Variants in COL4A2 observed in about 807,000 individuals in gnomAD.
The protein encoded by COL4A2 is collagen alpha-2(IV) chain.
COL4A2 carries 99 observed loss-of-function variants against 200.2 expected under a neutral mutation model. The observed-to-expected ratio is 0.49, with a 90% CI of 0.42 to 0.58. The LOEUF (loss-of-function observed/expected upper bound fraction) is 0.58, where lower values mean the gene tolerates loss of function less well. Among genes scored for constraint, COL4A2 ranks in the 20% least tolerant of loss-of-function variants. COL4A2 has a pLI of 0.00. For synonymous variants in COL4A2, 897 were observed against 900.6 expected (o/e 1.00, Z 0.07); for missense variants, 1,950 against 2,314.1 (o/e 0.84, Z 3.23).
At chr13:110,438,179 G>A (rs904955664) in intron 14 of COL4A2, 142 bp downstream of exon 14, 1 of 669,030 alleles carries the variant, frequency 1.5e-6, no homozygotes, top group Admixed American at 2.8e-5. Context: ...AACAGTATTA[G>A]CATGCATTTT....
At chr13:110,497,241 C>G (rs753882984) in intron 40 of COL4A2, among the ~76,000 whole-genome samples, 10 of 148,238 alleles carry the variant, frequency 6.7e-5, no homozygotes, top group Non-Finnish European at 8.9e-5. Context: ...GGGTGAAGAT[C>G]TAGGTCAATC....
At chr13:110,496,286 CT>C (rs1444855105) in intron 40 of COL4A2, among the ~76,000 whole-genome samples, 2 of 152,256 alleles carry the variant, frequency 1.3e-5, no homozygotes, top group Non-Finnish European at 2.9e-5. Flanking sequence ...GCAACCCTGG[CT>C]TTTGCTGGGG....
chr13:110,332,125 T>C (rs1404355379), intron 3 of COL4A2, among the ~76,000 whole-genome samples: 2 of 152,248 alleles, frequency 1.3e-5, no homozygotes, highest in African/African-American at 2.4e-5. Flanking sequence ...TTTTACATCC[T>C]TTTAGTCATT....
intron 4 of COL4A2, among the ~76,000 whole-genome samples, chr13:110,363,970 A>G (rs550981253): frequency 2.6e-5 from 4 of 152,144 alleles, no homozygotes; most frequent in African/African-American, 7.2e-5. Context: ...CAAAGTGCTG[A>G]GATTATAGGC....
intron 3 of COL4A2, among the ~76,000 whole-genome samples, chr13:110,312,145 C>T (rs888161332): frequency 6.6e-6 from 1 of 152,250 alleles, no homozygotes; most frequent in Non-Finnish European, 1.5e-5. Context: ...CACGGGGTTC[C>T]TCCTCTGCTC....
rs368125311 is a variant in COL4A2, at chr13:110,478,727, G to C, written c.2587+563G>C. 1.3e-4 allele frequency among the ~76,000 whole-genome samples: 20 copies of C among 152,382 alleles called. 1 individual carries two copies. Among genetic ancestry groups the C allele is most frequent in the East Asian group, 1.2e-3 (6 of 5,194 alleles). On this transcript the variant is annotated intron_variant, in intron 30 of 47. Transcript: ENST00000360467. ...AGACTCCTACACTTCACGGTCCAGG[G>C]AAACTGTCAGTGCTGGTTGGAGGAA...
At chr13:110,436,136 G>A (rs1166667313) in intron 12 of COL4A2, 133 bp from the exon 13 acceptor site, 4 of 1,309,146 alleles carry the variant, frequency 3.1e-6, no homozygotes, top group East Asian at 4.6e-5. Context: ...TTATTATACT[G>A]TAAATAGGTA....
chr13:110,365,906 C>A (rs773778269), intron 4 of COL4A2, among the ~76,000 whole-genome samples: 1 of 152,208 alleles, frequency 6.6e-6, no homozygotes, highest in Non-Finnish European at 1.5e-5. Flanking sequence ...ATCAGATTGA[C>A]AAGTTAGCTG....
chr13:110,317,506 T>G (rs1447100475), intron 3 of COL4A2, among the ~76,000 whole-genome samples: 2 of 152,208 alleles, frequency 1.3e-5, no homozygotes, highest in Non-Finnish European at 2.9e-5. Context: ...ACCTGTTTCT[T>G]TAGGGTCCCT....
At chr13:110,318,428 C>CT (rs1035470439) in intron 3 of COL4A2, among the ~76,000 whole-genome samples, 1 of 152,110 alleles carries the variant, frequency 6.6e-6, no homozygotes, top group Non-Finnish European at 1.5e-5. Flanking sequence ...TTGAGAGCCA[C>CT]TTTATTTGTT....
chr13:110,386,341 T>C (rs1878749127), intron 4 of COL4A2, among the ~76,000 whole-genome samples: 1 of 152,184 alleles, frequency 6.6e-6, no homozygotes, highest in African/African-American at 2.4e-5. Context: ...ACAAAACAAC[T>C]GCAGGATTCA....
At chr13:110,436,510 G>T in intron 13 of COL4A2, 143 bp downstream of exon 13, 4 of 1,148,540 alleles carry the variant, frequency 3.5e-6, no homozygotes. Context: ...ACATAACCGG[G>T]TCCTCCCAGA....
chr13:110,488,828 C>A (rs572092984), intron 34 of COL4A2, among the ~76,000 whole-genome samples: 1 of 152,190 alleles, frequency 6.6e-6, no homozygotes, highest in East Asian at 1.9e-4. Flanking sequence ...TCAGAGTCAC[C>A]GCCGCCGCTG....
At position 110,493,297 on chromosome 13, in the gene COL4A2, C is replaced by T. The variant is rs1465809979; in HGVS notation, c.3634+15C>T. 6.2e-7 allele frequency: 1 copy of T among 1,613,820 alleles called. No individual in the cohort carries two copies. Among genetic ancestry groups the T allele is most frequent in the Non-Finnish European group, 8.5e-7 (1 of 1,179,814 alleles). On this transcript the variant is annotated intron_variant, in intron 39 of 47. Coordinates refer to ENST00000360467, the MANE Select transcript of COL4A2 (RefSeq NM_001846.4). ...AGGATCCCCAGGTACTCTGTGCCGT[C>T]CCAGCCCCGAGTCCCACGCAGAGGT... is the stretch of plus-strand genomic sequence containing the variant.
intron 3 of COL4A2, among the ~76,000 whole-genome samples, chr13:110,339,195 G>A (rs979316753): frequency 6.6e-6 from 1 of 152,168 alleles, no homozygotes; most frequent in Admixed American, 6.5e-5. Context: ...ATTTTAAATG[G>A]GCCAAACAGT....
intron 24 of COL4A2, among the ~76,000 whole-genome samples, chr13:110,464,545 CAG>C (rs971628051): frequency 1.8e-4 from 27 of 151,514 alleles, no homozygotes; most frequent in African/African-American, 6.4e-4. Context: ...AGCTAAAACA[CAG>C]GGGTACACCA....
At chr13:110,460,339 A>T (rs1412917603) in intron 22 of COL4A2, among the ~76,000 whole-genome samples, 2 of 152,208 alleles carry the variant, frequency 1.3e-5, no homozygotes, top group African/African-American at 2.4e-5. Context: ...AGATAGGAAA[A>T]TTCAACAAAA....
chr13:110,470,819 G>C (rs375728892), intron 28 of COL4A2, among the ~76,000 whole-genome samples: 2 of 152,210 alleles, frequency 1.3e-5, no homozygotes, highest in African/African-American at 4.8e-5. Flanking sequence ...GTCCGTCCCT[G>C]ATAGATGGTA....
chr13:110,316,631 C>T (rs1173531312), intron 3 of COL4A2, among the ~76,000 whole-genome samples: 2 of 152,108 alleles, frequency 1.3e-5, no homozygotes, highest in African/African-American at 4.8e-5. Flanking sequence ...GCTAAAACAC[C>T]CTGCGAAGAA....
Sources: allele counts gnomAD v4.1 joint callset (sites outside exome capture counted in the v4.1 genomes callset), GRCh38; gene constraint gnomAD v4.1.1; transcripts MANE v1.5; gene names NCBI Gene and HGNC (gene_info 2026-07-23, HGNC 2026-07-21).